Variants in HOXB3 observed in about 807,000 individuals in gnomAD.
HOXB3 encodes homeobox B3.
HOXB3 carries 17 observed loss-of-function variants against 29.2 expected under a neutral mutation model. The ratio of observed to expected loss-of-function variants is 0.58; its 90% CI spans 0.40 to 0.87. The LOEUF is 0.87. Among genes scored for constraint, HOXB3 ranks in the 40% least tolerant of loss-of-function variants. HOXB3 has a pLI of 0.00. For missense variants in HOXB3, 637 were observed against 616.3 expected, an observed-to-expected ratio of 1.03 and a Z score of -0.35; for synonymous variants, 317 against 285.9, an observed-to-expected ratio of 1.11 and a Z score of -1.10.
Position 48,549,843 on chromosome 17 carries a change from G to A in HOXB3, c.*491C>T, listed in dbSNP as rs1294973171. ...TTTTGGGAAAGTTGGAAGGGAACGT[G>A]TTTTGTGCCTTTTGGGTTTGAAATG... On this transcript the variant is annotated 3_prime_UTR_variant, in exon 5 of 5. Coordinates refer to ENST00000498678, the MANE Select transcript of HOXB3 (RefSeq NM_001384749.1). 1 of 161,718 alleles carries A rather than the reference G, an allele frequency of 6.2e-6. No individual in the cohort carries two copies. Among genetic ancestry groups the A allele is most frequent in the African/African-American group, 2.4e-5 (1 of 41,274 alleles). The allele number at this position is 161,718 out of a possible 1,614,324, so 10.0% of individuals were successfully genotyped here. A position where few individuals can be genotyped will look rare whatever the true frequency, so the allele number is the denominator to read the frequency against.
chr17:48,585,288 C>A (rs1202441538), intron 1 of HOXB3, among the ~76,000 whole-genome samples: 1 of 152,180 alleles, frequency 6.6e-6, no homozygotes, highest in Non-Finnish European at 1.5e-5. Context: ...CCGAGTGGGG[C>A]CGAGGTTGCC....
chr17:48,558,499 T>C (rs79132454), intron 2 of HOXB3, among the ~76,000 whole-genome samples: 1,875 of 152,322 alleles, frequency 0.012, 46 homozygotes, highest in African/African-American at 0.041. Flanking sequence ...TTTGGAATAC[T>C]TGGGAGGCAA....
intron 2 of HOXB3, among the ~76,000 whole-genome samples, chr17:48,562,953 C>G (rs968589938): frequency 5.3e-5 from 8 of 152,182 alleles, no homozygotes; most frequent in African/African-American, 9.7e-5. Context: ...TTCACTTGCT[C>G]CCCACTCCCA....
intron 3 of HOXB3, 182 bp downstream of exon 3, chr17:48,555,349 A>G (rs1302237853): frequency 4.3e-5 from 21 of 484,346 alleles, no homozygotes; most frequent in East Asian, 6.8e-5. Flanking sequence ...AGAGAGAGAG[A>G]GAGAGAGAGA....
chr17:48,558,026 T>C (rs570895389), intron 2 of HOXB3, among the ~76,000 whole-genome samples: 80 of 152,022 alleles, frequency 5.3e-4, no homozygotes, highest in Non-Finnish European at 1.0e-3. Context: ...TTGGGGTTTT[T>C]TTTTCTATCA....
At position 48,552,641 on chromosome 17, in the gene HOXB3, C is replaced by A. The variant is rs564605682; in HGVS notation, c.-158-9G>T. 1.1e-5 allele frequency: 6 copies of A among 556,878 alleles called. No homozygotes were observed. The highest frequency in any genetic ancestry group is 1.9e-5 in the Non-Finnish European group (6 of 320,480). 34.5% of individuals were successfully genotyped at this position (556,878 alleles called of 1,614,324 possible). On this transcript the variant is annotated splice_polypyrimidine_tract_variant and intron_variant, in intron 3 of 4. Transcript: ENST00000498678. ...TGTTCCAAGCGGCTGACCTGCGAGGCGAGAGAAGAGACACAAGGGGGAGAA... is the reference window on the plus strand; with the variant it reads ...TGTTCCAAGCGGCTGACCTGCGAGGAGAGAGAAGAGACACAAGGGGGAGAA...
In HOXB3 at chr17:48,578,197, G is replaced by A. The variant is rs370033768; in HGVS notation, c.-424-4183C>T. ...GCTGGAAGCTGCTCTCTCGCCTCTG[G>A]CCGCCGGCGTAGTACCCGGGCGAGT... On this transcript the variant is annotated intron_variant, in intron 1 of 4. Transcript: ENST00000498678. 38 of 1,613,166 alleles carry A rather than the reference G, an allele frequency of 2.4e-5. No individual in the cohort carries two copies. Among genetic ancestry groups the A allele is most frequent in the Non-Finnish European group, 3.1e-5 (37 of 1,179,654 alleles).
intron 1 of HOXB3, among the ~76,000 whole-genome samples, chr17:48,577,448 C>T (rs1209918414): frequency 6.6e-6 from 1 of 152,198 alleles, no homozygotes; most frequent in African/African-American, 2.4e-5. Context: ...TTGCTCACTT[C>T]TCCAGCCAAG....
Position 48,554,591 on chromosome 17 carries a change from G to T in HOXB3, c.-159+940C>A, listed in dbSNP as rs2068885612. 1 of 699,358 alleles carries T rather than the reference G, an allele frequency of 1.4e-6. No individual in the cohort carries two copies. The highest frequency in any genetic ancestry group is 1.5e-5 in the South Asian group (1 of 67,484). 43.3% of individuals were successfully genotyped at this position (699,358 alleles called of 1,614,324 possible). A position where few individuals can be genotyped will look rare whatever the true frequency, so the allele number is the denominator to read the frequency against. On this transcript the variant is annotated intron_variant, in intron 3 of 4. Coordinates refer to ENST00000498678, the MANE Select transcript of HOXB3 (RefSeq NM_001384749.1). The surrounding 1 kb of genome is among the most constrained non-coding windows in gnomAD (Gnocchi z 4.1). ...TGCTGCCAGGCTGCCTCAGCCGGTCGCTGCTGCCGCGGCGACTGGCGACAA... is the reference window on the plus strand; with the variant it reads ...TGCTGCCAGGCTGCCTCAGCCGGTCTCTGCTGCCGCGGCGACTGGCGACAA...
At position 48,564,442 on chromosome 17, in the gene HOXB3, C is replaced by T. The variant is rs545585344; in HGVS notation, c.-246-8824G>A. On this transcript the variant is annotated intron_variant, in intron 2 of 4. Transcript: ENST00000498678. ...CGCCCCCACCCCGCCCCCGCCCCCG[C>T]CCCCGGCTTTGTTCGGCCTCCAGGG... Among the ~76,000 whole-genome samples the T allele has an allele frequency of 2.4e-3, 360 of 152,138 alleles. 2 individuals are homozygous for T. The highest frequency in any genetic ancestry group is 7.9e-3 in the African/African-American group (327 of 41,528).
intron 1 of HOXB3, among the ~76,000 whole-genome samples, chr17:48,587,846 C>A (rs757786123): frequency 3.9e-5 from 6 of 152,204 alleles, no homozygotes; most frequent in Non-Finnish European, 7.3e-5. Flanking sequence ...AATTGTCCAC[C>A]GAGTGGTGGC....
intron 4 of HOXB3, among the ~76,000 whole-genome samples, chr17:48,551,437 C>T (rs2068738853): frequency 6.6e-6 from 1 of 152,114 alleles, no homozygotes. Flanking sequence ...AAAATTTGAT[C>T]ATGTCACGCA....
intron 1 of HOXB3, chr17:48,575,944 T>A (rs1441322813): frequency 6.6e-6 from 1 of 152,126 alleles, no homozygotes; most frequent in Non-Finnish European, 1.5e-5. Context: ...GGTCTCTGAG[T>A]CTCTCTTTTT....
chr17:48,551,123 CCCGCTG>C lies in HOXB3; in HGVS notation c.501_506del (p.Ser168_Gly169del). The C allele has an allele frequency of 7.4e-7, 1 of 1,346,034 alleles. No homozygotes were observed. The highest frequency in any genetic ancestry group is 9.5e-7 in the Non-Finnish European group (1 of 1,049,072). The allele number at this position is 1,346,034 out of a possible 1,614,324, so 83.4% of individuals were successfully genotyped here. A position where few individuals can be genotyped will look rare whatever the true frequency, so the allele number is the denominator to read the frequency against. ...CTCCCCCGCCGCCGCCGCCACCGCC[CCCGCTG>C]CCACCACTGCCTCCGCCGCCGCCGC... On this transcript the variant is annotated inframe_deletion, in exon 5 of 5. Transcript: ENST00000498678.
intron 2 of HOXB3, among the ~76,000 whole-genome samples, chr17:48,563,864 CT>C (rs1567955125): frequency 6.6e-6 from 1 of 152,026 alleles, no homozygotes; most frequent in Admixed American, 6.6e-5. Flanking sequence ...CCCACTGCCC[CT>C]AACAGATGCC....
intron 2 of HOXB3, among the ~76,000 whole-genome samples, chr17:48,559,040 T>A (rs965529933): frequency 2.0e-5 from 3 of 151,642 alleles, no homozygotes; most frequent in Non-Finnish European, 2.9e-5. Flanking sequence ...AGTAAAAAAA[T>A]AATAAGGGTA....
chr17:48,578,763 C>G (rs891954430), intron 1 of HOXB3: 1 of 186,616 alleles, frequency 5.4e-6, no homozygotes, highest in Non-Finnish European at 1.1e-5. Flanking sequence ...CTCACCTCTG[C>G]CCAGCATTCT....
In HOXB3 at chr17:48,554,844, G is replaced by T. The variant is rs745930293; in HGVS notation, c.-159+687C>A. ...CCGGGTTGGAGGGCGCCGAGGCCTGGCGGACGGGACAGTGGGAAGAGAGAA... is the reference window on the plus strand; with the variant it reads ...CCGGGTTGGAGGGCGCCGAGGCCTGTCGGACGGGACAGTGGGAAGAGAGAA... On this transcript the variant is annotated intron_variant, in intron 3 of 4. Coordinates refer to ENST00000498678, the MANE Select transcript of HOXB3 (RefSeq NM_001384749.1). The surrounding 1 kb of genome is among the most constrained non-coding windows in gnomAD (Gnocchi z 4.1). The T allele has an allele frequency of 1.1e-5, 8 of 702,212 alleles. No individual in the cohort carries two copies. In the Admixed American group the frequency reaches 1.2e-4, roughly 11 times the overall value. The allele number at this position is 702,212 out of a possible 1,614,324, so 43.5% of individuals were successfully genotyped here. A position where few individuals can be genotyped will look rare whatever the true frequency, so the allele number is the denominator to read the frequency against.
intron 1 of HOXB3, chr17:48,578,458 C>T (rs2069844190): frequency 1.8e-6 from 2 of 1,101,198 alleles, no homozygotes; most frequent in South Asian, 1.6e-5. Context: ...CCAATGGCCG[C>T]CCCGCCTGCG....
Sources: gnomAD v4.1 joint callset for allele counts (sites outside exome capture counted in the v4.1 genomes callset) on GRCh38, gnomAD v4.1.1 for gene constraint, Gnocchi (gnomAD v3.1) non-coding constraint, MANE v1.5 for transcripts, NCBI Gene and HGNC (gene_info 2026-07-23, HGNC 2026-07-21) for gene names.